NRXN1: variants seen among roughly 807,000 people sequenced by gnomAD.
The protein encoded by NRXN1 is neurexin 1.
Under a neutral mutation model 150.9 loss-of-function variants are expected in NRXN1, and 39 were observed. That is an observed-to-expected ratio of 0.26 (90% CI 0.20 to 0.34). NRXN1 has a LOEUF of 0.34. Among genes scored for constraint, NRXN1 ranks in the 10% least tolerant of loss-of-function variants. NRXN1 has a pLI of 1.00. For missense variants in NRXN1, 1,815 were observed against 1,949.9 expected, an observed-to-expected ratio of 0.93 and a Z score of 1.30; for synonymous variants, 924 against 757.0, an observed-to-expected ratio of 1.22 and a Z score of -3.62.
At chr2:50,642,892 G>C (rs529796011) in intron 5 of NRXN1, among the ~76,000 whole-genome samples, 1 of 151,956 alleles carries the variant, frequency 6.6e-6, no homozygotes, top group South Asian at 2.1e-4. Flanking sequence ...AAAAGGGTTT[G>C]TTTTACACTA....
intron 5 of NRXN1, among the ~76,000 whole-genome samples, chr2:50,674,368 G>C (rs1243486970): frequency 6.6e-6 from 1 of 152,102 alleles, no homozygotes; most frequent in Non-Finnish European, 1.5e-5. Context: ...ACGGACAGTA[G>C]AGGAAAGCAC....
chr2:50,730,259 T>A (rs1016828668), intron 5 of NRXN1, among the ~76,000 whole-genome samples: 5 of 152,200 alleles, frequency 3.3e-5, no homozygotes, highest in Non-Finnish European at 7.3e-5. Context: ...TCTTATGGTC[T>A]ACTATTTTTT....
chr2:50,735,037 T>C (rs945079953), intron 5 of NRXN1, among the ~76,000 whole-genome samples: 16 of 152,314 alleles, frequency 1.1e-4, no homozygotes, highest in Admixed American at 3.9e-4. Flanking sequence ...TCCCTTTAAC[T>C]ATCTCCACTT....
intron 17 of NRXN1, among the ~76,000 whole-genome samples, chr2:50,295,072 C>A (rs1449521224): frequency 6.6e-6 from 1 of 152,192 alleles, no homozygotes; most frequent in Non-Finnish European, 1.5e-5. Context: ...AAGGATGAAT[C>A]ATACATATTT....
chr2:50,601,755 A>G (rs1266024810), intron 8 of NRXN1, among the ~76,000 whole-genome samples: 1 of 152,186 alleles, frequency 6.6e-6, no homozygotes, highest in African/African-American at 2.4e-5. Context: ...AGTGTTTGCC[A>G]TGTATGCCAT....
chr2:50,367,810 T>C (rs2079699671), intron 17 of NRXN1, among the ~76,000 whole-genome samples: 1 of 152,062 alleles, frequency 6.6e-6, no homozygotes, highest in East Asian at 1.9e-4. Flanking sequence ...TTACCACCTA[T>C]TTGGCAAATG....
At chr2:50,816,657 T>C (rs962319416) in intron 5 of NRXN1, among the ~76,000 whole-genome samples, 8 of 152,124 alleles carry the variant, frequency 5.3e-5, no homozygotes, top group Non-Finnish European at 1.0e-4. Context: ...CAAGATCTGC[T>C]AAAAGAGAAA....
At chr2:50,596,095 C>G (rs1259049440) in intron 8 of NRXN1, among the ~76,000 whole-genome samples, 1 of 152,140 alleles carries the variant, frequency 6.6e-6, no homozygotes, top group Non-Finnish European at 1.5e-5. Context: ...GAAGCTTCTC[C>G]TCAGCCTTTT....
intron 8 of NRXN1, among the ~76,000 whole-genome samples, chr2:50,576,956 T>C (rs1044347642): frequency 1.3e-5 from 2 of 152,124 alleles, no homozygotes; most frequent in South Asian, 4.1e-4. Flanking sequence ...ATATTCTTGC[T>C]AATCTTTTCT....
intron 18 of NRXN1, among the ~76,000 whole-genome samples, chr2:50,191,421 G>A (rs563138824): frequency 3.3e-5 from 5 of 152,092 alleles, no homozygotes; most frequent in East Asian, 1.9e-4. Context: ...AGATTATTCC[G>A]ACTTCACTGG....
intron 5 of NRXN1, among the ~76,000 whole-genome samples, chr2:50,796,381 C>T (rs1349106743): frequency 2.0e-5 from 3 of 152,114 alleles, no homozygotes; most frequent in Non-Finnish European, 4.4e-5. Flanking sequence ...GCCTTCTGGC[C>T]ACACGGGTAA....
chr2:50,716,802 C>T (rs529940650), intron 5 of NRXN1, among the ~76,000 whole-genome samples: 1 of 152,222 alleles, frequency 6.6e-6, no homozygotes, highest in Admixed American at 6.5e-5. Flanking sequence ...CAATAGTAAT[C>T]TTTTGAACTC....
At chr2:50,084,392 A>G (rs1168878787) in intron 19 of NRXN1, among the ~76,000 whole-genome samples, 1 of 152,144 alleles carries the variant, frequency 6.6e-6, no homozygotes, top group Non-Finnish European at 1.5e-5. Flanking sequence ...AATCGAGCGC[A>G]GTGCCGGTGG....
chr2:50,584,742 T>A (rs149317092), intron 8 of NRXN1, among the ~76,000 whole-genome samples: 1 of 152,180 alleles, frequency 6.6e-6, no homozygotes, highest in Non-Finnish European at 1.5e-5. Flanking sequence ...GCTGCCACTA[T>A]AGTTTGGTAT....
intron 12 of NRXN1, among the ~76,000 whole-genome samples, chr2:50,516,339 G>A (rs902814923): frequency 6.6e-6 from 1 of 152,202 alleles, no homozygotes; most frequent in Non-Finnish European, 1.5e-5. Flanking sequence ...TAAGTTGTAT[G>A]CTGTTGAAGC....
intron 5 of NRXN1, among the ~76,000 whole-genome samples, chr2:50,643,381 T>G (rs1029712482): frequency 2.0e-5 from 3 of 151,992 alleles, no homozygotes; most frequent in Non-Finnish European, 4.4e-5. Flanking sequence ...TGGCCTCAGA[T>G]ATCATTCTCT....
chr2:50,794,540 C>A (rs753630849), intron 5 of NRXN1, among the ~76,000 whole-genome samples: 7 of 152,102 alleles, frequency 4.6e-5, no homozygotes, highest in Admixed American at 1.3e-4. Context: ...GTAGGTAATG[C>A]ACTATCTTCC....
At chr2:50,207,438 CTTA>C (rs2062685028) in intron 18 of NRXN1, 1 of 151,776 alleles carries the variant, frequency 6.6e-6, no homozygotes, top group South Asian at 2.1e-4. Flanking sequence ...CATGTTATGC[CTTA>C]TTATAGTAAC....
intron 2 of NRXN1, among the ~76,000 whole-genome samples, chr2:51,026,963 C>A (rs1670587066): frequency 6.6e-6 from 1 of 152,170 alleles, no homozygotes; most frequent in African/African-American, 2.4e-5. Context: ...AGAGCACTGC[C>A]CGTGAACCCT....
Sources: allele counts gnomAD v4.1 joint callset (sites outside exome capture counted in the v4.1 genomes callset), GRCh38; gene constraint gnomAD v4.1.1; transcripts MANE v1.5; gene names NCBI Gene and HGNC (gene_info 2026-07-23, HGNC 2026-07-21).